The following DLG2 variants were observed in gnomAD, a reference collection of about 807,000 sequenced individuals.
DLG2 encodes the protein disks large homolog 2.
A neutral mutation model predicts 132.5 loss-of-function variants in DLG2; 45 were observed. The observed-to-expected ratio is 0.34, with a 90% CI of 0.27 to 0.44. The LOEUF (loss-of-function observed/expected upper bound fraction) is 0.44, where lower values mean the gene tolerates loss of function less well. DLG2 is among the 20% of genes least tolerant of loss of function. DLG2 has a pLI of 1.00. For synonymous variants in DLG2, 424 were observed against 419.6 expected (o/e 1.01, Z -0.13); for missense variants, 1,045 against 1,196.9 (o/e 0.87, Z 1.87).
At chr11:85,491,770 A>G (rs904903494) in intron 3 of DLG2, among the ~76,000 whole-genome samples, 3 of 152,108 alleles carry the variant, frequency 2.0e-5, no homozygotes, top group Non-Finnish European at 2.9e-5. Flanking sequence ...ATAGAGAGAT[A>G]TCCTATGTTC....
chr11:85,083,290 T>C (rs1270061106), intron 6 of DLG2, among the ~76,000 whole-genome samples: 2 of 152,116 alleles, frequency 1.3e-5, no homozygotes, highest in Admixed American at 1.3e-4. Context: ...ACCTGTCCTA[T>C]TGGTTTGAGC....
chr11:85,366,786 G>A lies in DLG2; in HGVS notation c.41-81421C>T, dbSNP rs192439966. On this transcript the variant is annotated intron_variant, in intron 3 of 27. Transcript: ENST00000376104. ...TTCTTCCCACCAACAGGGAACAAAT[G>A]TTTCTCTGTTAACATATTCTCATCA... is the stretch of plus-strand genomic sequence containing the variant. Among the ~76,000 whole-genome samples, 288 of 152,136 alleles carry A rather than the reference G, an allele frequency of 1.9e-3. 1 individual carries two copies. Among genetic ancestry groups the A allele is most frequent in the Non-Finnish European group, 2.7e-3 (185 of 67,948 alleles).
chr11:84,664,654 G>C (rs2154548398), intron 6 of DLG2, among the ~76,000 whole-genome samples: 1 of 152,176 alleles, frequency 6.6e-6, no homozygotes, highest in Non-Finnish European at 1.5e-5. Context: ...TGGGAAGTAG[G>C]GCACTGTGGG....
chr11:84,305,423 T>A (rs2098205101), intron 7 of DLG2, among the ~76,000 whole-genome samples: 1 of 152,200 alleles, frequency 6.6e-6, no homozygotes, highest in Non-Finnish European at 1.5e-5. Context: ...CCATTTGTAT[T>A]TGATAAAACG....
At chr11:85,186,319 A>G (rs2080096262) in intron 4 of DLG2, among the ~76,000 whole-genome samples, 1 of 152,222 alleles carries the variant, frequency 6.6e-6, no homozygotes, top group Admixed American at 6.5e-5. Flanking sequence ...ATAATTATTA[A>G]TGAAGTATTT....
chr11:85,608,464 G>A (rs561540560), intron 2 of DLG2, among the ~76,000 whole-genome samples: 15 of 152,168 alleles, frequency 9.9e-5, no homozygotes, highest in Middle Eastern at 3.4e-3. Flanking sequence ...AATACCTTAC[G>A]TCCATGCTTT....
chr11:83,548,781 AG>A (rs2096302596), intron 19 of DLG2, among the ~76,000 whole-genome samples: 1 of 152,216 alleles, frequency 6.6e-6, no homozygotes, highest in Admixed American at 6.6e-5. Flanking sequence ...TTTAAGATAA[AG>A]AAGCTGAGAT....
chr11:84,623,954 A>G (rs769267359), intron 6 of DLG2, among the ~76,000 whole-genome samples: 9 of 152,192 alleles, frequency 5.9e-5, no homozygotes, highest in Non-Finnish European at 1.3e-4. Flanking sequence ...ATTGCAGTAC[A>G]TTTATTTTTG....
At chr11:84,780,997 C>CAA (rs372443245) in intron 6 of DLG2, among the ~76,000 whole-genome samples, 7,351 of 93,892 alleles carry the variant, frequency 0.078, 424 homozygotes, top group Non-Finnish European at 0.12. Flanking sequence ...CAGGATTGTA[C>CAA]AAAAAAAAAA....
chr11:85,546,060 C>A (rs1452101062), intron 3 of DLG2, among the ~76,000 whole-genome samples: 1 of 152,228 alleles, frequency 6.6e-6, no homozygotes, highest in East Asian at 1.9e-4. Context: ...TCCTGCTTCT[C>A]TAGTTCTTTT....
At chr11:83,804,466 A>G (rs920802683) in intron 17 of DLG2, among the ~76,000 whole-genome samples, 1 of 151,902 alleles carries the variant, frequency 6.6e-6, no homozygotes, top group African/African-American at 2.4e-5. Flanking sequence ...CTTGAAGAAC[A>G]TTATAATAAA....
At chr11:84,870,285 G>A (rs1350121770) in intron 6 of DLG2, among the ~76,000 whole-genome samples, 1 of 152,132 alleles carries the variant, frequency 6.6e-6, no homozygotes, top group Non-Finnish European at 1.5e-5. Context: ...GGAAAAAGAG[G>A]AGCCTGTGAA....
chr11:85,438,936 T>C (rs1317185732), intron 3 of DLG2, among the ~76,000 whole-genome samples: 2 of 152,192 alleles, frequency 1.3e-5, no homozygotes, highest in African/African-American at 4.8e-5. Context: ...GAATCAATCA[T>C]ATATTATGTA....
chr11:84,957,833 C>T (rs182389662), intron 6 of DLG2, among the ~76,000 whole-genome samples: 81 of 152,298 alleles, frequency 5.3e-4, no homozygotes, highest in African/African-American at 1.9e-3. Flanking sequence ...ATTGCTGTGT[C>T]TGTGCAATTC....
At chr11:83,870,153 T>G (rs2063154049) in intron 16 of DLG2, among the ~76,000 whole-genome samples, 1 of 152,190 alleles carries the variant, frequency 6.6e-6, no homozygotes, top group Admixed American at 6.5e-5. Context: ...TGTATACATT[T>G]AAGAGGTACA....
intron 19 of DLG2, among the ~76,000 whole-genome samples, chr11:83,612,711 T>C (rs1363664004): frequency 6.6e-6 from 1 of 151,556 alleles, no homozygotes; most frequent in Non-Finnish European, 1.5e-5. Context: ...CTGAATGGAG[T>C]CTTGAAAAAC....
chr11:85,334,253 T>A (rs2081975313), intron 3 of DLG2, among the ~76,000 whole-genome samples: 1 of 152,152 alleles, frequency 6.6e-6, no homozygotes, highest in African/African-American at 2.4e-5. Flanking sequence ...GGATTTTTTG[T>A]ATTCCTTTGG....
chr11:84,087,363 T>C (rs1009113548), intron 10 of DLG2, among the ~76,000 whole-genome samples: 18 of 152,210 alleles, frequency 1.2e-4, no homozygotes, highest in African/African-American at 4.3e-4. Flanking sequence ...TATAAAGTGG[T>C]ATCTCCCTGT....
At chr11:84,629,654 C>T (rs1041690796) in intron 6 of DLG2, among the ~76,000 whole-genome samples, 5 of 152,156 alleles carry the variant, frequency 3.3e-5, no homozygotes, top group African/African-American at 1.2e-4. Flanking sequence ...AGATACCTGG[C>T]CCATCTTATT....
Sources: gnomAD v4.1 joint callset for allele counts (sites outside exome capture counted in the v4.1 genomes callset) on GRCh38, gnomAD v4.1.1 for gene constraint, MANE v1.5 for transcripts, NCBI Gene and HGNC (gene_info 2026-07-23, HGNC 2026-07-21) for gene names.